The following CDH12 variants were observed in gnomAD, a reference collection of about 807,000 sequenced individuals.
CDH12 encodes the protein cadherin 12.
Under a neutral mutation model 74.1 loss-of-function variants are expected in CDH12, and 41 were observed. That is an observed-to-expected ratio of 0.55 (90% confidence interval 0.43 to 0.72). The LOEUF (loss-of-function observed/expected upper bound fraction) is 0.72, where lower values mean the gene tolerates loss of function less well. CDH12 is among the 30% of genes least tolerant of loss of function. The pLI is 0.00. For missense variants in CDH12, 945 were observed against 977.2 expected, an observed-to-expected ratio of 0.97 and a Z score of 0.44; for synonymous variants, 399 against 355.0, an observed-to-expected ratio of 1.12 and a Z score of -1.39.
intron 1 of CDH12, among the ~76,000 whole-genome samples, chr5:22,699,755 A>G (rs534240687): frequency 1.3e-5 from 2 of 152,338 alleles, no homozygotes; most frequent in South Asian, 4.1e-4. Flanking sequence ...TTCTCTTCCT[A>G]TAAGTACATT....
intron 4 of CDH12, among the ~76,000 whole-genome samples, chr5:22,131,595 C>T (rs920779523): frequency 3.9e-5 from 6 of 152,098 alleles, no homozygotes; most frequent in African/African-American, 7.2e-5. Flanking sequence ...GAGAGATAGC[C>T]ACATCCTGAA....
At chr5:22,693,364 G>C (rs1400298216) in intron 1 of CDH12, among the ~76,000 whole-genome samples, 1 of 152,180 alleles carries the variant, frequency 6.6e-6, no homozygotes, top group Non-Finnish European at 1.5e-5. Context: ...TTGTGAGAGT[G>C]TGTGGGGACT....
chr5:22,321,143 T>A (rs1738859127), intron 3 of CDH12, among the ~76,000 whole-genome samples: 1 of 152,110 alleles, frequency 6.6e-6, no homozygotes, highest in Non-Finnish European at 1.5e-5. Context: ...TTCAAAAAAA[T>A]AAATTTAATA....
intron 1 of CDH12, among the ~76,000 whole-genome samples, chr5:22,705,499 G>GCACACACACA (rs5866587): frequency 0.2 from 28,103 of 143,390 alleles, 2,992 homozygotes; most frequent in Non-Finnish European, 0.26. Flanking sequence ...CAACACACAT[G>GCACACACACA]CACACACACA....
chr5:22,566,143 C>T (rs1739269622), intron 1 of CDH12, among the ~76,000 whole-genome samples: 2 of 152,038 alleles, frequency 1.3e-5, no homozygotes, highest in South Asian at 4.1e-4. Context: ...AAGAATATAT[C>T]GTAAGGGCCT....
chr5:22,222,201 G>A (rs1406820713), intron 3 of CDH12, among the ~76,000 whole-genome samples: 2 of 151,912 alleles, frequency 1.3e-5, no homozygotes, highest in African/African-American at 2.4e-5. Flanking sequence ...TTTAAAAGCA[G>A]CACAGAAAAA....
chr5:22,459,281 C>T (rs1334425794), intron 2 of CDH12, among the ~76,000 whole-genome samples: 1 of 151,656 alleles, frequency 6.6e-6, no homozygotes, highest in East Asian at 1.9e-4. Flanking sequence ...GTATAAGTAC[C>T]ACTCCTATAA....
intron 1 of CDH12, among the ~76,000 whole-genome samples, chr5:22,783,432 T>G (rs758634975): frequency 3.3e-5 from 5 of 152,124 alleles, no homozygotes; most frequent in African/African-American, 4.8e-5. Context: ...AAAATGGAGT[T>G]AGAATAGACT....
chr5:22,287,444 G>T (rs974994908), intron 3 of CDH12, among the ~76,000 whole-genome samples: 10 of 151,930 alleles, frequency 6.6e-5, no homozygotes, highest in Non-Finnish European at 4.4e-5. Context: ...TGTATAACAG[G>T]CTGGGCGCGG....
intron 3 of CDH12, among the ~76,000 whole-genome samples, chr5:22,373,508 A>AAGCC (rs897458268): frequency 6.7e-4 from 102 of 152,290 alleles, no homozygotes; most frequent in African/African-American, 2.4e-3. Flanking sequence ...TGTTAACACA[A>AAGCC]AGCCAGCATA....
intron 3 of CDH12, among the ~76,000 whole-genome samples, chr5:22,238,987 C>A (rs1238641929): frequency 1.3e-5 from 2 of 152,134 alleles, no homozygotes; most frequent in Non-Finnish European, 2.9e-5. Flanking sequence ...CTCCTGGGAT[C>A]TCTTTAGAGA....
chr5:22,208,895 T>C (rs1479014676), intron 4 of CDH12, among the ~76,000 whole-genome samples: 1 of 152,214 alleles, frequency 6.6e-6, no homozygotes, highest in Non-Finnish European at 1.5e-5. Context: ...TACTTTGTGT[T>C]TTCTGTTATT....
intron 6 of CDH12, among the ~76,000 whole-genome samples, chr5:21,917,595 T>C (rs1414983947): frequency 6.6e-6 from 1 of 152,196 alleles, no homozygotes; most frequent in Non-Finnish European, 1.5e-5. Flanking sequence ...TAGTGTATCT[T>C]TATTTTCTAT....
At chr5:21,841,484 T>C (rs1390141151) in intron 8 of CDH12, among the ~76,000 whole-genome samples, 3 of 150,096 alleles carry the variant, frequency 2.0e-5, no homozygotes, top group Non-Finnish European at 4.5e-5. Flanking sequence ...GAAATACCAT[T>C]TGACCCAGCC....
Position 22,114,676 on chromosome 5 carries a change from G to A in CDH12, c.-186-35814C>T, listed in dbSNP as rs115528449. Among the ~76,000 whole-genome samples, 1,147 of 152,166 alleles carry A rather than the reference G, an allele frequency of 7.5e-3. 17 individuals carry two copies. The highest frequency in any genetic ancestry group is 0.026 in the African/African-American group (1,100 of 41,512). ...TCTTATATTGTTGCTTAATTTTTGG[G>A]GAAGAGTAGTGTTGTGGTTTCCATA... On this transcript the variant is annotated intron_variant, in intron 4 of 14. Coordinates refer to ENST00000382254, the MANE Select transcript of CDH12 (RefSeq NM_004061.5).
Position 21,764,094 on chromosome 5 carries a change from G to T in CDH12, c.1515+884C>A, listed in dbSNP as rs1409859528. On this transcript the variant is annotated intron_variant, in intron 12 of 14. Transcript: ENST00000382254. Reference sequence around the variant, plus strand: ...GTTCTTTAGAAATTTGTGTGTGGGGGCTGGGTGCGGTGGCTCATGCCTGTA... The same window carrying T: ...GTTCTTTAGAAATTTGTGTGTGGGGTCTGGGTGCGGTGGCTCATGCCTGTA... Among the ~76,000 whole-genome samples, 5 of 152,104 alleles carry T rather than the reference G, an allele frequency of 3.3e-5. No homozygotes were observed. The East Asian group carries it at 9.7e-4, about 29-fold the overall frequency.
intron 5 of CDH12, among the ~76,000 whole-genome samples, chr5:22,045,737 A>C (rs577326488): frequency 6.4e-4 from 97 of 152,180 alleles, no homozygotes; most frequent in Non-Finnish European, 1.2e-3. Flanking sequence ...GGAATCTAAA[A>C]AAAGTTTATC....
intron 6 of CDH12, among the ~76,000 whole-genome samples, chr5:21,935,612 T>A (rs147209283): frequency 2.1e-3 from 323 of 152,358 alleles, no homozygotes; most frequent in Non-Finnish European, 3.0e-3. Context: ...TATACTCTTC[T>A]AGTTATTTTA....
chr5:22,626,725 C>T (rs1738317835), intron 1 of CDH12, among the ~76,000 whole-genome samples: 1 of 152,168 alleles, frequency 6.6e-6, no homozygotes, highest in South Asian at 2.1e-4. Context: ...CTAGCTCCCC[C>T]AGCAATGGTT....
Sources: allele counts gnomAD v4.1 joint callset (sites outside exome capture counted in the v4.1 genomes callset), GRCh38; gene constraint gnomAD v4.1.1; transcripts MANE v1.5; gene names NCBI Gene and HGNC (gene_info 2026-07-23, HGNC 2026-07-21).